Variants in FLACC1 observed in about 807,000 individuals in gnomAD.
FLACC1 encodes the protein flagellum-associated coiled-coil domain-containing protein 1.
In FLACC1, 66 loss-of-function variants were observed where a neutral mutation model predicts 62.8. The ratio of observed to expected loss-of-function variants is 1.05; its 90% CI spans 0.86 to 1.29. The LOEUF (loss-of-function observed/expected upper bound fraction) is 1.29, where lower values mean the gene tolerates loss of function less well. Ranked by LOEUF, FLACC1 falls within the 50% of genes most tolerant of loss-of-function variation. FLACC1 has a pLI of 0.00. For synonymous variants in FLACC1, 156 were observed against 161.0 expected (o/e 0.97, Z 0.24); for missense variants, 452 against 489.1 (o/e 0.92, Z 0.71).
intron 9 of FLACC1, among the ~76,000 whole-genome samples, chr2:201,310,158 ACT>A (rs1950190538): frequency 6.6e-6 from 1 of 152,054 alleles, no homozygotes; most frequent in Admixed American, 6.6e-5. Context: ...AAGGACGCTG[ACT>A]GCCTTATTTT....
intron 1 of FLACC1, among the ~76,000 whole-genome samples, chr2:201,354,415 A>T (rs139260644): frequency 7.9e-5 from 12 of 152,258 alleles, no homozygotes; most frequent in Middle Eastern, 3.4e-3. Flanking sequence ...GGGACTAGGG[A>T]GTCTTCTGCA....
At chr2:201,293,539 T>C (rs537197760) in intron 12 of FLACC1, among the ~76,000 whole-genome samples, 1 of 152,334 alleles carries the variant, frequency 6.6e-6, no homozygotes, top group South Asian at 2.1e-4. Flanking sequence ...AGGGGAAATT[T>C]ATGGCACTAA....
intron 5 of FLACC1, among the ~76,000 whole-genome samples, chr2:201,345,194 A>G (rs751072950): frequency 3.3e-5 from 5 of 152,232 alleles, no homozygotes; most frequent in Non-Finnish European, 7.3e-5. Context: ...CTCTTCCTGC[A>G]GAGGGCTGTG....
Position 201,340,706 on chromosome 2 carries a change from C to T in FLACC1, c.524+1664G>A, listed in dbSNP as rs1032819867. On this transcript the variant is annotated intron_variant, in intron 7 of 14. Transcript: ENST00000392257. ...GAGTATGGCTCTATTTTGCTTATAC[C>T]ATTGAGTGTTGTGCATTCATATGTT... Among the ~76,000 whole-genome samples, 12 of 152,212 alleles carry T rather than the reference C, an allele frequency of 7.9e-5. No individual in the cohort carries two copies. In the South Asian group the frequency reaches 2.5e-3, roughly 32 times the overall value.
chr2:201,309,502 GCA>G (rs1950172596), intron 9 of FLACC1, among the ~76,000 whole-genome samples: 1 of 152,284 alleles, frequency 6.6e-6, no homozygotes, highest in African/African-American at 2.4e-5. Flanking sequence ...GGCAAACTAT[GCA>G]CAGTGTTTGC....
At chr2:201,363,300 C>A in the FLACC1 span, among the ~76,000 whole-genome samples, 1 of 151,504 alleles carries the variant, frequency 6.6e-6, no homozygotes, top group African/African-American at 2.4e-5. Context: ...GCAAGGGTGC[C>A]CTCTCCACTC....
chr2:201,346,455 G>A lies in FLACC1; in HGVS notation c.368+87C>T. The A allele has an allele frequency of 6.4e-7, 1 of 1,571,798 alleles. No homozygotes were observed. ...GCAGGGACCAGTGGCCTGGGTGTGG[G>A]CATAGCGGCTTTGGCTTGTCCCTGA... On this transcript the variant is annotated intron_variant, in intron 5 of 14. Coordinates refer to ENST00000392257, the MANE Select transcript of FLACC1 (RefSeq NM_001127391.3). The surrounding 1 kb of genome is among the most constrained non-coding windows in gnomAD (Gnocchi z 4.0).
At position 201,320,703 on chromosome 2, in the gene FLACC1, C is replaced by T. The variant is rs375161461; in HGVS notation, c.675+9767G>A. Among the ~76,000 whole-genome samples, 342 of 152,298 alleles carry T rather than the reference C, an allele frequency of 2.2e-3. 3 individuals are homozygous for T. Among genetic ancestry groups the T allele is most frequent in the African/African-American group, 7.6e-3 (318 of 41,570 alleles). ...TTGCCCTGCACAGGGAGACTCAGAG[C>T]GCAAGCCCACCTGAACCAACCCTCA... On this transcript the variant is annotated intron_variant, in intron 9 of 14. Transcript: ENST00000392257.
intron 10 of FLACC1, among the ~76,000 whole-genome samples, chr2:201,307,919 A>T (rs1009986739): frequency 2.0e-5 from 3 of 152,240 alleles, no homozygotes; most frequent in African/African-American, 7.2e-5. Context: ...CTGCTGATGT[A>T]ACCACTATGC....
chr2:201,319,146 C>T lies in FLACC1; in HGVS notation c.676-9896G>A, dbSNP rs534262399. Among the ~76,000 whole-genome samples the T allele has an allele frequency of 5.3e-5, 8 of 152,196 alleles. No homozygotes were observed. The South Asian group carries it at 1.7e-3, about 32-fold the overall frequency. On this transcript the variant is annotated intron_variant, in intron 9 of 14. Coordinates refer to ENST00000392257, the MANE Select transcript of FLACC1 (RefSeq NM_001127391.3). Reference sequence around the variant, plus strand: ...CTACAGTAACCAAAACAGCTTGGTACTGATACAAAAACAGACACATAGATC... The same window carrying T: ...CTACAGTAACCAAAACAGCTTGGTATTGATACAAAAACAGACACATAGATC...
the FLACC1 span, among the ~76,000 whole-genome samples, chr2:201,363,727 T>C: frequency 6.6e-6 from 1 of 152,158 alleles, no homozygotes; most frequent in Non-Finnish European, 1.5e-5. Flanking sequence ...TCACCCTTCC[T>C]GTGCATAGAT....
At chr2:201,300,660 G>C (rs1949962144) in intron 11 of FLACC1, among the ~76,000 whole-genome samples, 1 of 151,956 alleles carries the variant, frequency 6.6e-6, no homozygotes, top group Non-Finnish European at 1.5e-5. Context: ...AAGCCTAACT[G>C]GGAGGCACCG....
At chr2:201,313,223 G>C (rs765996952) in intron 9 of FLACC1, among the ~76,000 whole-genome samples, 2 of 152,138 alleles carry the variant, frequency 1.3e-5, no homozygotes, top group African/African-American at 2.4e-5. Flanking sequence ...CAGAACTTGG[G>C]GGAAGGCATG....
intron 9 of FLACC1, among the ~76,000 whole-genome samples, chr2:201,328,941 T>C (rs1185917424): frequency 1.3e-5 from 2 of 152,122 alleles, no homozygotes; most frequent in Non-Finnish European, 2.9e-5. Flanking sequence ...AAATGTGCCC[T>C]TGTTCAGTAT....
At chr2:201,354,840 G>T (rs1951088972) in intron 1 of FLACC1, among the ~76,000 whole-genome samples, 1 of 152,164 alleles carries the variant, frequency 6.6e-6, no homozygotes, top group South Asian at 2.1e-4. Flanking sequence ...TTGAAGGCCA[G>T]GACTCCACTA....
chr2:201,299,818 T>C (rs954804285), intron 11 of FLACC1, among the ~76,000 whole-genome samples: 1 of 152,164 alleles, frequency 6.6e-6, no homozygotes, highest in Non-Finnish European at 1.5e-5. Context: ...GGAAAAATAG[T>C]CAAACAGAAC....
intron 7 of FLACC1, among the ~76,000 whole-genome samples, chr2:201,333,106 T>C (rs1207913096): frequency 2.0e-5 from 3 of 152,190 alleles, no homozygotes; most frequent in Non-Finnish European, 4.4e-5. Flanking sequence ...GGTATTACTA[T>C]TTTTAGTTTT....
chr2:201,304,738 T>C (rs964047375), intron 11 of FLACC1, among the ~76,000 whole-genome samples: 3 of 152,066 alleles, frequency 2.0e-5, no homozygotes, highest in Non-Finnish European at 2.9e-5. Context: ...AACATAGATA[T>C]AGACCAATGG....
chr2:201,298,927 T>A (rs1041852998), intron 12 of FLACC1, among the ~76,000 whole-genome samples: 1 of 152,242 alleles, frequency 6.6e-6, no homozygotes, highest in Non-Finnish European at 1.5e-5. Context: ...AAGAACTTGG[T>A]GTTTTATAAC....
Sources: gnomAD v4.1 joint callset for allele counts (sites outside exome capture counted in the v4.1 genomes callset) on GRCh38, gnomAD v4.1.1 for gene constraint, Gnocchi (gnomAD v3.1) non-coding constraint, MANE v1.5 for transcripts, NCBI Gene and HGNC (gene_info 2026-07-23, HGNC 2026-07-21) for gene names.